The following XAF1 variants were observed in gnomAD, a reference collection of about 807,000 sequenced individuals.
XAF1 encodes XIAP associated factor 1.
Under a neutral mutation model 32.3 loss-of-function variants are expected in XAF1, and 32 were observed. The ratio of observed to expected loss-of-function variants is 0.99; its 90% CI spans 0.75 to 1.33. The LOEUF (loss-of-function observed/expected upper bound fraction) is 1.33. XAF1 is among the 40% of genes most tolerant of loss of function. The probability of loss-of-function intolerance (pLI) is 0.00; values close to 1 mark genes in which losing one functional copy is unlikely to be tolerated. For synonymous variants in XAF1, 120 were observed against 125.9 expected (o/e 0.95, Z 0.31); for missense variants, 379 against 366.0 (o/e 1.04, Z -0.29).
rs1415078590 is a variant in XAF1 at position 6,770,826 on chromosome 17, G to C, written c.691G>C (p.Ala231Pro). ...PLHSESSSKK[A>P]PRSKNKTLDP... The stretch of plus-strand genomic sequence containing the variant: ...TCATTCTGAAAGTTCATCAAAGAAA[G>C]CACCAAGAAGCAAAAACAAAACCTT... Residue 231 changes from alanine (A) to proline (P), a missense_variant, in exon 6 of 7, where the codon GCA (alanine) becomes CCA (proline). By Grantham distance (27) the Ala-to-Pro change is conservative (BLOSUM62 -1). Coordinates refer to ENST00000361842, the MANE Select transcript of XAF1 (RefSeq NM_017523.5). 2 of 1,613,348 alleles carry C rather than the reference G, an allele frequency of 1.2e-6. No homozygotes were observed. Among genetic ancestry groups the C allele is most frequent in the Non-Finnish European group, 1.7e-6 (2 of 1,179,846 alleles).
chr17:6,757,670 C>T (rs958713546), intron 1 of XAF1, among the ~76,000 whole-genome samples: 12 of 82,502 alleles, frequency 1.5e-4, no homozygotes, highest in Non-Finnish European at 3.0e-4. Flanking sequence ...ATTTTAAAAA[C>T]AGCCTTATAG....
At chr17:6,770,497 A>C in intron 5 of XAF1, 146 bp from the exon 6 acceptor site, 3 of 665,334 alleles carry the variant, frequency 4.5e-6, no homozygotes, top group East Asian at 6.2e-5. Context: ...CTGCAAAGCC[A>C]GCTATTAAAT....
At chr17:6,758,248 G>T in intron 2 of XAF1, 24 bp downstream of exon 2, 1 of 1,610,232 alleles carries the variant, frequency 6.2e-7, no homozygotes, top group East Asian at 2.3e-5. Context: ...AGGGAGGATG[G>T]GGTCTGAGAG....
At chr17:6,755,767 A>G (rs1185005012), upstream of XAF1, 5 of 1,170,920 alleles carry the variant, frequency 4.3e-6, no homozygotes, top group Non-Finnish European at 5.3e-6. Context: ...GAAGCCAGCC[A>G]GCCAGGGTGA....
At position 6,774,321 on chromosome 17, in the gene XAF1, A is replaced by T. The variant is rs1976274301; in HGVS notation, c.*1152A>T. On this transcript the variant is annotated 3_prime_UTR_variant, in exon 7 of 7. Coordinates refer to ENST00000361842, the MANE Select transcript of XAF1 (RefSeq NM_017523.5). ...TGACAAAAATACGCAATGGGGAAAG[A>T]ATTCCCCATTCAGTAAGTGGTACTG... 1 of 152,200 alleles carries T rather than the reference A, an allele frequency of 6.6e-6. No individual in the cohort carries two copies. The highest frequency in any genetic ancestry group is 1.5e-5 in the Non-Finnish European group (1 of 68,040). 9.4% of individuals were successfully genotyped at this position (152,200 alleles called of 1,614,324 possible). A position where few individuals can be genotyped will look rare whatever the true frequency, so the allele number is the denominator to read the frequency against.
chr17:6,760,578 G>A lies in XAF1; in HGVS notation c.398G>A (p.Ser133Asn). The part of the protein sequence containing the change: ...MLAQHRDVCR[S>N]EQAQLGKGER... The stretch of plus-strand genomic sequence containing the variant: ...GCCCAGCACAGAGATGTCTGTCGCA[G>A]TGAACAGGCCCAGCTCGGGAAAGGT... The change falls in exon 4 of 7, where the codon AGT (serine) becomes AAT (asparagine). Residue 133 changes from serine (S) to asparagine (N), a missense_variant. Physicochemically the swap from Ser to Asn is conservative, Grantham distance 46. Coordinates refer to ENST00000361842, the MANE Select transcript of XAF1 (RefSeq NM_017523.5). The A allele has an allele frequency of 1.2e-6, 2 of 1,611,766 alleles. No homozygotes were observed. The highest frequency in any genetic ancestry group is 1.1e-5 in the South Asian group (1 of 90,966).
At chr17:6,755,668 C>T (rs1357176565), upstream of XAF1, 1 of 1,038,618 alleles carries the variant, frequency 9.6e-7, no homozygotes, top group Middle Eastern at 4.9e-4. Flanking sequence ...TCCCTCTTTC[C>T]TGCAGGGGAG....
Position 6,770,681 on chromosome 17 carries a change from T to C in XAF1, c.546T>C (p.Phe182=), listed in dbSNP as rs762366696. 33 of 1,607,914 alleles carry C rather than the reference T, an allele frequency of 2.1e-5. No homozygotes were observed. Among genetic ancestry groups the C allele is most frequent in the Admixed American group, 1.4e-4 (8 of 58,464 alleles). Residue 182 remains phenylalanine (F), a synonymous_variant, in exon 6 of 7, where the codon TTT becomes TTC. Coordinates refer to ENST00000361842, the MANE Select transcript of XAF1 (RefSeq NM_017523.5). The part of the protein sequence containing the change: ...CCPDSEFKKH[F]PVGNPEILPS... The stretch of plus-strand genomic sequence containing the variant: ...CAGACTCAGAGTTTAAGAAACACTT[T>C]CCTGTTGGAAATCCAGAAATTCTTC...
rs1282285436 is a variant in XAF1 at position 6,774,689 on chromosome 17, T to C, written c.*1520T>C. On this transcript the variant is annotated 3_prime_UTR_variant, in exon 7 of 7. Coordinates refer to ENST00000361842, the MANE Select transcript of XAF1 (RefSeq NM_017523.5). The stretch of plus-strand genomic sequence containing the variant: ...TACACAAATGTTCACGGCAGCACTA[T>C]ACACAATCGCAAAGTCAGGGAATCA... The C allele has an allele frequency of 6.6e-6, 1 of 152,172 alleles. No homozygotes were observed. Among genetic ancestry groups the C allele is most frequent in the Non-Finnish European group, 1.5e-5 (1 of 68,032 alleles). 9.4% of individuals were successfully genotyped at this position (152,172 alleles called of 1,614,324 possible). A position where few individuals can be genotyped will look rare whatever the true frequency, so the allele number is the denominator to read the frequency against.
At chr17:6,768,661 A>G (rs1175726966) in intron 5 of XAF1, among the ~76,000 whole-genome samples, 4 of 152,202 alleles carry the variant, frequency 2.6e-5, no homozygotes, top group Admixed American at 2.6e-4. Flanking sequence ...ATCATTTTGA[A>G]GATTATTCCA....
At chr17:6,757,405 C>G (rs9903015) in intron 1 of XAF1, 1 of 152,076 alleles carries the variant, frequency 6.6e-6, no homozygotes, top group Non-Finnish European at 1.5e-5. Flanking sequence ...CCAGGAAGAA[C>G]CTCGGAGTCT....
chr17:6,759,263 G>C lies in XAF1; in HGVS notation c.169-399G>C, dbSNP rs143353025. On this transcript the variant is annotated intron_variant, in intron 2 of 6. Coordinates refer to ENST00000361842, the MANE Select transcript of XAF1 (RefSeq NM_017523.5). Reference sequence around the variant, plus strand: ...CCAATCCTTTCCCTACAGGCTTATGGATCTGGCATAGGCAAGAGGTTCTGG... The same window carrying C: ...CCAATCCTTTCCCTACAGGCTTATGCATCTGGCATAGGCAAGAGGTTCTGG... The C allele has an allele frequency of 3.1e-3, 3,519 of 1,135,250 alleles. 22 individuals carry two copies. The highest frequency in any genetic ancestry group is 0.021 in the South Asian group (584 of 27,736). The allele number at this position is 1,135,250 out of a possible 1,614,324, so 70.3% of individuals were successfully genotyped here.
At chr17:6,761,790 G>A (rs1975223500) in intron 4 of XAF1, 1 of 1,274,308 alleles carries the variant, frequency 7.8e-7, no homozygotes, top group East Asian at 5.0e-5. Context: ...CCAACACCTG[G>A]TCTGATCACA....
intron 5 of XAF1, among the ~76,000 whole-genome samples, chr17:6,764,259 C>T (rs912014159): frequency 6.6e-6 from 1 of 152,222 alleles, no homozygotes; most frequent in Non-Finnish European, 1.5e-5. Context: ...GCAGCATCCA[C>T]ACTCACTTAC....
At chr17:6,770,278 G>C (rs1461761126) in intron 5 of XAF1, among the ~76,000 whole-genome samples, 3 of 152,202 alleles carry the variant, frequency 2.0e-5, no homozygotes. Context: ...CAAAAGAGTA[G>C]AAGGCTGTAG....
intron 5 of XAF1, among the ~76,000 whole-genome samples, chr17:6,763,655 G>C (rs536952269): frequency 1.3e-5 from 2 of 152,178 alleles, no homozygotes; most frequent in Admixed American, 1.3e-4. Context: ...TAAACATTCG[G>C]ATTGTTTCCA....
At chr17:6,770,088 G>A (rs1237290363) in intron 5 of XAF1, among the ~76,000 whole-genome samples, 1 of 152,190 alleles carries the variant, frequency 6.6e-6, no homozygotes, top group Non-Finnish European at 1.5e-5. Context: ...CATAAGCAGT[G>A]TCAACTCCTG....
chr17:6,768,762 T>C (rs1200308713), intron 5 of XAF1, among the ~76,000 whole-genome samples: 1 of 152,242 alleles, frequency 6.6e-6, no homozygotes, highest in African/African-American at 2.4e-5. Context: ...TTGGTTGATT[T>C]CAAGATCCTC....
chr17:6,760,446 G>T lies in XAF1; in HGVS notation c.266G>T (p.Cys89Phe). Residue 89 changes from cysteine (C) to phenylalanine (F), a missense_variant, in exon 4 of 7, where the codon TGC becomes TTC. By Grantham distance (205) the Cys-to-Phe change is radical (BLOSUM62 -2). Coordinates refer to ENST00000361842, the MANE Select transcript of XAF1 (RefSeq NM_017523.5). ...GAGCGCCCTGTTGAGTGTAAGTTCTGCAAACTGGACATGCAGCTCAGCAAG... is the reference window on the plus strand; with the variant it reads ...GAGCGCCCTGTTGAGTGTAAGTTCTTCAAACTGGACATGCAGCTCAGCAAG... Reference protein sequence around the residue: ...CQERPVECKFCKLDMQLSKLE... With the variant: ...CQERPVECKFFKLDMQLSKLE... 1 of 1,612,740 alleles carries T rather than the reference G, an allele frequency of 6.2e-7. No homozygotes were observed. The highest frequency in any genetic ancestry group is 8.5e-7 in the Non-Finnish European group (1 of 1,179,618).
Sources: allele counts gnomAD v4.1 joint callset (sites outside exome capture counted in the v4.1 genomes callset), GRCh38; gene constraint gnomAD v4.1.1; transcripts MANE v1.5; gene names NCBI Gene and HGNC (gene_info 2026-07-23, HGNC 2026-07-21).